MTSS1: variants seen among roughly 807,000 people sequenced by gnomAD.
MTSS1 encodes the protein MTSS I-BAR domain containing 1.
MTSS1 carries 18 observed loss-of-function variants against 79.0 expected under a neutral mutation model. The observed-to-expected ratio is 0.23, with a 90% CI of 0.16 to 0.34. The LOEUF (loss-of-function observed/expected upper bound fraction) is 0.34. Ranked by LOEUF, MTSS1 falls within the 10% of genes least tolerant of loss-of-function variation. The pLI, the probability that MTSS1 is intolerant of heterozygous loss-of-function variation, is 1.00. For synonymous variants in MTSS1, 341 were observed against 368.6 expected (o/e 0.93, Z 0.86); for missense variants, 815 against 986.2 (o/e 0.83, Z 2.33).
At chr8:124,652,598 C>G (rs966240690) in intron 3 of MTSS1, among the ~76,000 whole-genome samples, 1 of 151,964 alleles carries the variant, frequency 6.6e-6, no homozygotes, top group South Asian at 2.1e-4. Flanking sequence ...ATTTGGAGAC[C>G]AGCCTGGCCG....
In MTSS1 at chr8:124,594,498, T is replaced by G. The variant is rs114589633; in HGVS notation, c.209-3263A>C. On this transcript the variant is annotated intron_variant, in intron 3 of 13. Transcript: ENST00000518547. The stretch of plus-strand genomic sequence containing the variant: ...TGAGCTGAGACTGCGCCACTGCACT[T>G]CAACCTGGGCAACAGACTGAGACTC... 6.4e-3 allele frequency among the ~76,000 whole-genome samples: 979 copies of G among 152,166 alleles called. 12 individuals are homozygous for G. Among genetic ancestry groups the G allele is most frequent in the African/African-American group, 0.023 (939 of 41,512 alleles).
chr8:124,673,699 G>C (rs948253453), intron 3 of MTSS1, among the ~76,000 whole-genome samples: 4 of 152,228 alleles, frequency 2.6e-5, no homozygotes, highest in African/African-American at 7.2e-5. Flanking sequence ...CTCTTGCCTT[G>C]TGTTAGGGCA....
intron 3 of MTSS1, among the ~76,000 whole-genome samples, chr8:124,678,410 C>G (rs1825645666): frequency 6.6e-6 from 1 of 152,120 alleles, no homozygotes; most frequent in South Asian, 2.1e-4. Flanking sequence ...TGAAGAAATA[C>G]CCGAGACTGG....
chr8:124,661,166 C>T (rs1373991524), intron 3 of MTSS1, among the ~76,000 whole-genome samples: 1 of 152,206 alleles, frequency 6.6e-6, no homozygotes. Flanking sequence ...GTAACAACAG[C>T]TCACCAACAC....
chr8:124,647,656 T>A (rs1819242586), intron 3 of MTSS1, among the ~76,000 whole-genome samples: 2 of 152,260 alleles, frequency 1.3e-5, no homozygotes, highest in Non-Finnish European at 2.9e-5. Flanking sequence ...TCCATCATGT[T>A]TTAGCTCATT....
At chr8:124,572,553 G>A (rs1030387041) in intron 6 of MTSS1, among the ~76,000 whole-genome samples, 2 of 151,914 alleles carry the variant, frequency 1.3e-5, no homozygotes, top group East Asian at 1.9e-4. Context: ...CTCCTTGAGC[G>A]CTGGTCCTGG....
intron 3 of MTSS1, among the ~76,000 whole-genome samples, chr8:124,629,900 G>A (rs986291701): frequency 6.6e-6 from 1 of 152,106 alleles, no homozygotes; most frequent in African/African-American, 2.4e-5. Context: ...CACACACACC[G>A]TGCGTTCTTA....
At chr8:124,701,050 A>C (rs1829623316) in intron 2 of MTSS1, among the ~76,000 whole-genome samples, 1 of 152,128 alleles carries the variant, frequency 6.6e-6, no homozygotes, top group African/African-American at 2.4e-5. Flanking sequence ...CAACATACTA[A>C]GACTCCATTC....
intron 1 of MTSS1, among the ~76,000 whole-genome samples, chr8:124,725,046 G>A (rs985185503): frequency 6.6e-6 from 1 of 152,128 alleles, no homozygotes; most frequent in Non-Finnish European, 1.5e-5. Flanking sequence ...GTTCATTAGC[G>A]ACCACCACCA....
chr8:124,679,924 A>G (rs187614683), intron 3 of MTSS1, among the ~76,000 whole-genome samples: 1 of 152,334 alleles, frequency 6.6e-6, no homozygotes, highest in East Asian at 1.9e-4. Flanking sequence ...ATTCTCATGT[A>G]CCCACTATTT....
chr8:124,619,862 C>CT (rs546866020), intron 3 of MTSS1, among the ~76,000 whole-genome samples: 14 of 152,308 alleles, frequency 9.2e-5, no homozygotes, highest in African/African-American at 3.4e-4. Flanking sequence ...ATGCGGTTCC[C>CT]TTTAGGGCCA....
At chr8:124,652,609 A>T (rs1315915634) in intron 3 of MTSS1, among the ~76,000 whole-genome samples, 1 of 150,988 alleles carries the variant, frequency 6.6e-6, no homozygotes, top group Admixed American at 6.6e-5. Context: ...AGCCTGGCCG[A>T]CCTGGTGAAA....
chr8:124,604,135 C>T (rs1240975031), intron 3 of MTSS1, among the ~76,000 whole-genome samples: 1 of 152,124 alleles, frequency 6.6e-6, no homozygotes, highest in Non-Finnish European at 1.5e-5. Context: ...ATCGCTTGGA[C>T]CCGGGAGGCG....
chr8:124,587,316 C>T (rs1411072642), intron 5 of MTSS1, among the ~76,000 whole-genome samples: 1 of 152,084 alleles, frequency 6.6e-6, no homozygotes, highest in African/African-American at 2.4e-5. Context: ...ACTCTTTCCC[C>T]ATCTGAAAAA....
intron 3 of MTSS1, among the ~76,000 whole-genome samples, chr8:124,678,069 G>A (rs1825592929): frequency 6.6e-6 from 1 of 152,162 alleles, no homozygotes; most frequent in African/African-American, 2.4e-5. Flanking sequence ...AGATTTTAGT[G>A]TTATAGCTTC....
chr8:124,565,650 G>A lies in MTSS1; in HGVS notation c.824+12C>T, dbSNP rs377459527. 6.9e-5 allele frequency: 111 copies of A among 1,609,866 alleles called. No individual in the cohort carries two copies. Among genetic ancestry groups the A allele is most frequent in the South Asian group, 1.1e-4 (10 of 91,006 alleles). ...CGTCCTGAAAGCAAGAGTGGACCCC[G>A]GCTTCACTCACCTGCAGACACTGGA... On this transcript the variant is annotated intron_variant, in intron 9 of 13. Coordinates refer to ENST00000518547, the MANE Select transcript of MTSS1 (RefSeq NM_014751.6).
intron 3 of MTSS1, among the ~76,000 whole-genome samples, chr8:124,691,230 AT>A (rs11343437): frequency 0.45 from 68,889 of 151,866 alleles, 15,930 homozygotes; most frequent in East Asian, 0.72. Flanking sequence ...TTAAAACAAT[AT>A]TTTTTTTACA....
intron 6 of MTSS1, among the ~76,000 whole-genome samples, chr8:124,569,572 G>A (rs1029881592): frequency 2.0e-5 from 3 of 152,222 alleles, no homozygotes; most frequent in African/African-American, 7.2e-5. Context: ...CAGCTCATGA[G>A]CTTCCACCTT....
chr8:124,569,203 T>G (rs1371172934), intron 6 of MTSS1, among the ~76,000 whole-genome samples: 1 of 152,158 alleles, frequency 6.6e-6, no homozygotes, highest in South Asian at 2.1e-4. Context: ...GCCTGGCCCA[T>G]GTTTAGGAAT....
Sources: allele counts gnomAD v4.1 joint callset (sites outside exome capture counted in the v4.1 genomes callset), GRCh38; gene constraint gnomAD v4.1.1; transcripts MANE v1.5; gene names NCBI Gene and HGNC (gene_info 2026-07-23, HGNC 2026-07-21).